The following PHF19 variants were observed in gnomAD, a reference collection of about 807,000 sequenced individuals.
PHF19 encodes polycomb like 3.
Under a neutral mutation model 79.8 loss-of-function variants are expected in PHF19, and 21 were observed. The observed-to-expected ratio is 0.26, with a 90% CI of 0.19 to 0.38. The LOEUF (loss-of-function observed/expected upper bound fraction) is 0.38. PHF19 is among the 10% of genes least tolerant of loss of function. The pLI, the probability that PHF19 is intolerant of heterozygous loss-of-function variation, is 1.00. For missense variants in PHF19, 445 were observed against 744.2 expected, an observed-to-expected ratio of 0.60 and a Z score of 4.68; for synonymous variants, 273 against 296.3, an observed-to-expected ratio of 0.92 and a Z score of 0.81.
chr9:120,888,890 G>C (rs1303037294), intron 1 of PHF19, among the ~76,000 whole-genome samples: 1 of 152,216 alleles, frequency 6.6e-6, no homozygotes, highest in East Asian at 1.9e-4. Flanking sequence ...ATGATTATCT[G>C]ATTGGCTAGT....
upstream of PHF19, among the ~76,000 whole-genome samples, chr9:120,897,200 C>G (rs1266171692): frequency 6.6e-6 from 1 of 152,262 alleles, no homozygotes; most frequent in Non-Finnish European, 1.5e-5. Flanking sequence ...CCCCCATTGG[C>G]AGGGAGATGG....
At chr9:120,877,221 C>CG, upstream of PHF19, 2 of 171,026 alleles carry the variant, frequency 1.2e-5, no homozygotes, top group Non-Finnish European at 1.6e-5. Flanking sequence ...GGGGTCTCGG[C>CG]GGGGGCGGGG....
At chr9:120,868,113 C>T (rs1187675261) in intron 6 of PHF19, 1 of 152,184 alleles carries the variant, frequency 6.6e-6, no homozygotes, top group African/African-American at 2.4e-5. Flanking sequence ...GCTTTGTCGC[C>T]CAGGCTGGAG....
At chr9:120,880,130 A>G (rs1470794419), upstream of PHF19, among the ~76,000 whole-genome samples, 1 of 152,224 alleles carries the variant, frequency 6.6e-6, no homozygotes, top group Non-Finnish European at 1.5e-5. Flanking sequence ...CATAGCTACA[A>G]TTCAATGACT....
chr9:120,890,983 C>T (rs1026374718), intron 1 of PHF19, among the ~76,000 whole-genome samples: 1 of 152,206 alleles, frequency 6.6e-6, no homozygotes, highest in Non-Finnish European at 1.5e-5. Context: ...GACAAACAAC[C>T]TTCACCCCTC....
In PHF19 at chr9:120,870,931, G is replaced by A. The variant is rs937249916; in HGVS notation, c.269-393C>T. ...TTTGTTTGTTTGTTTTGTTGAGATG[G>A]AGTCTCTGTCACCCAGGCTGGAGTG... is the stretch of plus-strand genomic sequence containing the variant. On this transcript the variant is annotated intron_variant, in intron 3 of 14. Transcript: ENST00000373896. The surrounding 1 kb of genome is among the most constrained non-coding windows in gnomAD (Gnocchi z 4.4). 5.3e-5 allele frequency among the ~76,000 whole-genome samples: 8 copies of A among 152,244 alleles called. No individual in the cohort carries two copies. Among genetic ancestry groups the A allele is most frequent in the African/African-American group, 1.9e-4 (8 of 41,544 alleles).
intron 1 of PHF19, among the ~76,000 whole-genome samples, chr9:120,888,389 C>T (rs770982069): frequency 6.6e-6 from 1 of 152,194 alleles, no homozygotes; most frequent in Non-Finnish European, 1.5e-5. Context: ...GGTGTGGAAC[C>T]CAGCACTGAG....
chr9:120,896,359 A>G (rs1327857963), upstream of PHF19, among the ~76,000 whole-genome samples: 1 of 151,820 alleles, frequency 6.6e-6, no homozygotes, highest in Non-Finnish European at 1.5e-5. Flanking sequence ...CAGATGAGGC[A>G]CAGATTAGAA....
At chr9:120,903,010 CTTG>C in the PHF19 span, 5 of 152,200 alleles carry the variant, frequency 3.3e-5, no homozygotes, top group African/African-American at 1.2e-4. Context: ...CTCATGGGGG[CTTG>C]TTCTACAAAT....
chr9:120,870,650 A>C lies in PHF19; in HGVS notation c.269-112T>G. 1 of 665,982 alleles carries C rather than the reference A, an allele frequency of 1.5e-6. No homozygotes were observed. Among genetic ancestry groups the C allele is most frequent in the Non-Finnish European group, 2.7e-6 (1 of 366,024 alleles). 41.3% of individuals were successfully genotyped at this position (665,982 alleles called of 1,614,324 possible). Reference sequence around the variant, plus strand: ...TGCTAGGCCTAGCGCTGGGCCCCACATGCCACCTCACTGAATCTCCCCAAC... The same window carrying C: ...TGCTAGGCCTAGCGCTGGGCCCCACCTGCCACCTCACTGAATCTCCCCAAC... On this transcript the variant is annotated intron_variant, in intron 3 of 14. Coordinates refer to ENST00000373896, the MANE Select transcript of PHF19 (RefSeq NM_015651.3). The surrounding 1 kb of genome is among the most constrained non-coding windows in gnomAD (Gnocchi z 4.4).
chr9:120,869,608 C>A lies in PHF19; in HGVS notation c.465+237G>T. On this transcript the variant is annotated intron_variant, in intron 5 of 14. Coordinates refer to ENST00000373896, the MANE Select transcript of PHF19 (RefSeq NM_015651.3). The surrounding 1 kb of genome is among the most constrained non-coding windows in gnomAD (Gnocchi z 5.8). ...TGGATTTTCTTTTTTAATAGTAAAG[C>A]ATCATTTATTGGTCCCGTTATTCCC... 6.7e-7 allele frequency: 1 copy of A among 1,497,236 alleles called. No homozygotes were observed. Among genetic ancestry groups the A allele is most frequent in the South Asian group, 1.3e-5 (1 of 77,440 alleles). 92.7% of individuals were successfully genotyped at this position (1,497,236 alleles called of 1,614,324 possible). A position where few individuals can be genotyped will look rare whatever the true frequency, so the allele number is the denominator to read the frequency against.
At chr9:120,863,035 C>A in intron 10 of PHF19, 1 of 402,056 alleles carries the variant, frequency 2.5e-6, no homozygotes, top group Non-Finnish European at 4.6e-6. Context: ...CCACCTCCTG[C>A]AGGAAGCCCT....
At chr9:120,877,433 C>T (rs1479351354), upstream of PHF19, 3 of 730,822 alleles carry the variant, frequency 4.1e-6, no homozygotes, top group African/African-American at 1.9e-5. Context: ...CGCCGCCAGC[C>T]CCCGCCCGCC....
At chr9:120,889,826 G>A (rs2046317394) in intron 1 of PHF19, among the ~76,000 whole-genome samples, 1 of 151,584 alleles carries the variant, frequency 6.6e-6, no homozygotes. Context: ...AGAAAAAAGA[G>A]AAAAAGAAAA....
intron 1 of PHF19, among the ~76,000 whole-genome samples, chr9:120,893,108 T>G (rs1276346306): frequency 6.6e-6 from 1 of 152,200 alleles, no homozygotes; most frequent in Non-Finnish European, 1.5e-5. Context: ...GTGCCTAGCA[T>G]GTAACAGGCA....
rs2045484514 is a variant in PHF19, at chr9:120,860,326, C to CT, written c.1305-142dup. 1.6e-6 allele frequency: 1 copy of CT among 620,072 alleles called. No homozygotes were observed. Among genetic ancestry groups the CT allele is most frequent in the Non-Finnish European group, 2.9e-6 (1 of 340,360 alleles). 38.4% of individuals were successfully genotyped at this position (620,072 alleles called of 1,614,324 possible). A position where few individuals can be genotyped will look rare whatever the true frequency, so the allele number is the denominator to read the frequency against. Reference sequence around the variant, plus strand: ...ACAGCTGAGCTTCCCACCACCACACCTGTCTGTTTCCTACCCAGCCACCCT... The same window carrying CT: ...ACAGCTGAGCTTCCCACCACCACACCTTGTCTGTTTCCTACCCAGCCACCCT... On this transcript the variant is annotated intron_variant, in intron 13 of 14. Coordinates refer to ENST00000373896, the MANE Select transcript of PHF19 (RefSeq NM_015651.3). The surrounding 1 kb of genome is among the most constrained non-coding windows in gnomAD (Gnocchi z 4.1).
intron 12 of PHF19, among the ~76,000 whole-genome samples, 199 bp from the exon 13 acceptor site, chr9:120,861,373 AC>A (rs749645583): frequency 3.3e-4 from 50 of 152,344 alleles, no homozygotes; most frequent in Non-Finnish European, 6.3e-4. Context: ...AGCTGACTGT[AC>A]GACCTTCACG....
At chr9:120,867,967 GC>G (rs1395419695) in intron 6 of PHF19, among the ~76,000 whole-genome samples, 2 of 152,358 alleles carry the variant, frequency 1.3e-5, no homozygotes, top group South Asian at 2.1e-4. Context: ...AAAGACTCTT[GC>G]CGCAGAGCCA....
At chr9:120,877,372 G>C (rs1203571012), upstream of PHF19, 4 of 980,220 alleles carry the variant, frequency 4.1e-6, no homozygotes, top group African/African-American at 7.0e-5. Flanking sequence ...TGTAATTAGC[G>C]GGGGCCGCGC....
Sources: allele counts gnomAD v4.1 joint callset (sites outside exome capture counted in the v4.1 genomes callset), GRCh38; gene constraint gnomAD v4.1.1; non-coding constraint Gnocchi (gnomAD v3.1); transcripts MANE v1.5; gene names NCBI Gene and HGNC (gene_info 2026-07-23, HGNC 2026-07-21).